The following KCNIP4 variants were observed in gnomAD, a reference collection of about 807,000 sequenced individuals.
KCNIP4 encodes Kv channel-interacting protein 4.
Under a neutral mutation model 34.0 loss-of-function variants are expected in KCNIP4, and 12 were observed. That is an observed-to-expected ratio of 0.35 (90% CI 0.23 to 0.57). The LOEUF is 0.57. Among genes scored for constraint, KCNIP4 ranks in the 20% least tolerant of loss-of-function variants. The probability of loss-of-function intolerance (pLI) is 0.83; values close to 1 mark genes in which losing one functional copy is unlikely to be tolerated. For missense variants in KCNIP4, 238 were observed against 311.7 expected, an observed-to-expected ratio of 0.76 and a Z score of 1.78; for synonymous variants, 124 against 102.2, an observed-to-expected ratio of 1.21 and a Z score of -1.29.
At chr4:21,392,354 C>A (rs979528840) in intron 1 of KCNIP4, among the ~76,000 whole-genome samples, 2 of 152,190 alleles carry the variant, frequency 1.3e-5, no homozygotes, top group Non-Finnish European at 2.9e-5. Flanking sequence ...TACCAACAAG[C>A]ATTTTAATCA....
At chr4:21,581,989 G>C (rs1308017664) in intron 1 of KCNIP4, 2 of 107,980 alleles carry the variant, frequency 1.9e-5, no homozygotes, top group Non-Finnish European at 4.1e-5. Context: ...AGATAGAATA[G>C]ACTACATAGG....
chr4:21,560,749 T>A (rs17482780), intron 1 of KCNIP4, among the ~76,000 whole-genome samples: 89,375 of 151,940 alleles, frequency 0.59, 26,484 homozygotes, highest in East Asian at 0.69. Context: ...CTTGATTCCC[T>A]TCCTTTGGAG....
At chr4:21,071,802 C>T (rs985942217) in intron 1 of KCNIP4, among the ~76,000 whole-genome samples, 2 of 152,082 alleles carry the variant, frequency 1.3e-5, no homozygotes, top group Non-Finnish European at 2.9e-5. Context: ...CTCCCCCTAC[C>T]CCACAACAGT....
intron 1 of KCNIP4, among the ~76,000 whole-genome samples, chr4:21,183,976 G>A (rs759022420): frequency 4.0e-5 from 6 of 151,672 alleles, no homozygotes; most frequent in East Asian, 1.9e-4. Flanking sequence ...TCCTTATATC[G>A]TATCTCACTA....
intron 1 of KCNIP4, among the ~76,000 whole-genome samples, chr4:20,963,216 G>T (rs1734017098): frequency 6.6e-6 from 1 of 151,892 alleles, no homozygotes; most frequent in African/African-American, 2.4e-5. Context: ...AGTCCCAGCT[G>T]CTGGGGAGGG....
At position 21,029,582 on chromosome 4, in the gene KCNIP4, T is replaced by C. The variant is rs1445855963; in HGVS notation, c.62-146873A>G. On this transcript the variant is annotated intron_variant, in intron 1 of 8. Coordinates refer to ENST00000382152, the MANE Select transcript of KCNIP4 (RefSeq NM_025221.6). ...GCCAATTAGGTGGGTGGAAATGCTT[T>C]CTGTCCTGTAAAGTCCAAGAGTTGT... Among the ~76,000 whole-genome samples the C allele has an allele frequency of 2.0e-5, 3 of 152,322 alleles. No individual in the cohort carries two copies. In the South Asian group the frequency reaches 6.2e-4, roughly 32 times the overall value.
rs576226302 is a variant in KCNIP4, at chr4:21,553,147, G to C, written c.61+395424C>G. ...ATAACATCTGAAAGCTTAAAGGGGG[G>C]GGTCATAAAAGAGTTGGAATAACAA... is the stretch of plus-strand genomic sequence containing the variant. On this transcript the variant is annotated intron_variant, in intron 1 of 8. Coordinates refer to ENST00000382152, the MANE Select transcript of KCNIP4 (RefSeq NM_025221.6). Among the ~76,000 whole-genome samples the C allele has an allele frequency of 1.3e-3, 134 of 107,188 alleles. 1 individual carries two copies. Among genetic ancestry groups the C allele is most frequent in the African/African-American group, 4.1e-3 (126 of 30,460 alleles). The allele number at this position is 107,188 out of a possible 152,430, so 70.3% of individuals were successfully genotyped here. A position where few individuals can be genotyped will look rare whatever the true frequency, so the allele number is the denominator to read the frequency against.
chr4:21,380,937 T>C (rs1721453780), intron 1 of KCNIP4, among the ~76,000 whole-genome samples: 2 of 152,144 alleles, frequency 1.3e-5, no homozygotes, highest in African/African-American at 4.8e-5. Context: ...AAGGTATATG[T>C]TCTCAGCACA....
Position 21,223,166 on chromosome 4 carries a change from AG to A in KCNIP4, c.62-340458del, listed in dbSNP as rs200876073. ...AATCACAGGGGTCCTTATAAGTGGG[AG>A]GCAAGTGGGGCAGGGTCAGAAAAAG... On this transcript the variant is annotated intron_variant, in intron 1 of 8. Coordinates refer to ENST00000382152, the MANE Select transcript of KCNIP4 (RefSeq NM_025221.6). Among the ~76,000 whole-genome samples the A allele has an allele frequency of 4.7e-3, 720 of 152,282 alleles. 14 individuals carry two copies. The South Asian group carries it at 0.064, about 14-fold the overall frequency.
intron 1 of KCNIP4, among the ~76,000 whole-genome samples, chr4:21,828,000 C>A: frequency 7.1e-6 from 1 of 140,236 alleles, no homozygotes; most frequent in Non-Finnish European, 1.5e-5. Context: ...AAAAAGGCAC[C>A]ATTAATGAGA....
chr4:21,326,761 C>A (rs1187011653), intron 1 of KCNIP4, among the ~76,000 whole-genome samples: 1 of 150,644 alleles, frequency 6.6e-6, no homozygotes, highest in Non-Finnish European at 1.5e-5. Flanking sequence ...AGGTGTTTTT[C>A]TCTGGTGGTA....
chr4:20,957,738 T>C (rs1009282789), intron 1 of KCNIP4, among the ~76,000 whole-genome samples: 4 of 152,236 alleles, frequency 2.6e-5, no homozygotes, highest in African/African-American at 7.2e-5. Flanking sequence ...GATACTATTA[T>C]AGTTATTTTA....
At chr4:20,812,280 A>T (rs891452354) in intron 3 of KCNIP4, among the ~76,000 whole-genome samples, 3 of 152,158 alleles carry the variant, frequency 2.0e-5, no homozygotes, top group Non-Finnish European at 2.9e-5. Context: ...AGAGAAGTGA[A>T]TGTTGGTGGG....
intron 5 of KCNIP4, among the ~76,000 whole-genome samples, chr4:20,749,227 G>C (rs1282407574): frequency 6.6e-6 from 1 of 151,314 alleles, no homozygotes; most frequent in Non-Finnish European, 1.5e-5. Context: ...TTTCCTCGTA[G>C]AATTGTCAGG....
intron 3 of KCNIP4, among the ~76,000 whole-genome samples, chr4:20,798,239 C>T (rs1039487406): frequency 3.3e-5 from 5 of 152,172 alleles, no homozygotes; most frequent in African/African-American, 1.2e-4. Flanking sequence ...TGTTCCTAAA[C>T]ATTATCAAAT....
At chr4:21,405,209 C>T (rs1441280202) in intron 1 of KCNIP4, among the ~76,000 whole-genome samples, 4 of 152,144 alleles carry the variant, frequency 2.6e-5, no homozygotes, top group East Asian at 3.9e-4. Context: ...TCACCTAACC[C>T]TGGCTCCTTA....
Position 20,729,845 on chromosome 4 carries a change from CACAGAGTATGAAATG to C in KCNIP4, c.*222_*236del. The C allele has an allele frequency of 2.5e-6, 1 of 394,080 alleles. No individual in the cohort carries two copies. Among genetic ancestry groups the C allele is most frequent in the Non-Finnish European group, 4.5e-6 (1 of 222,582 alleles). 24.4% of individuals were successfully genotyped at this position (394,080 alleles called of 1,614,324 possible). ...CCAGATTCTATTACTTTTGAATATTCACAGAGTATGAAATGAGTTAGACCATCCCCTGAACTCAGT... is the reference window on the plus strand; with the variant it reads ...CCAGATTCTATTACTTTTGAATATTCAGTTAGACCATCCCCTGAACTCAGT... On this transcript the variant is annotated 3_prime_UTR_variant, in exon 9 of 9. Transcript: ENST00000382152.
At chr4:21,568,437 C>T (rs1378494619) in intron 1 of KCNIP4, among the ~76,000 whole-genome samples, 2 of 152,050 alleles carry the variant, frequency 1.3e-5, no homozygotes, top group African/African-American at 4.8e-5. Context: ...CAGTATTGTT[C>T]CTGTGTGTAT....
chr4:21,850,557 C>T (rs1216583114), intron 1 of KCNIP4: 1 of 152,118 alleles, frequency 6.6e-6, no homozygotes, highest in Non-Finnish European at 1.5e-5. Flanking sequence ...GAAGTCCCTT[C>T]AACCTTGGAC....
Sources: gnomAD v4.1 joint callset for allele counts (sites outside exome capture counted in the v4.1 genomes callset) on GRCh38, gnomAD v4.1.1 for gene constraint, MANE v1.5 for transcripts, NCBI Gene and HGNC (gene_info 2026-07-23, HGNC 2026-07-21) for gene names.